Variants in HSPA12A observed in about 807,000 individuals in gnomAD.
HSPA12A encodes the protein heat shock protein family A (Hsp70) member 12A.
Under a neutral mutation model 69.2 loss-of-function variants are expected in HSPA12A, and 28 were observed. That is an observed-to-expected ratio of 0.40 (90% CI 0.30 to 0.55). HSPA12A has a LOEUF of 0.55. HSPA12A is among the 20% of genes least tolerant of loss of function. The pLI is 0.38. For synonymous variants in HSPA12A, 345 were observed against 370.5 expected, an observed-to-expected ratio of 0.93 and a Z score of 0.79; for missense variants, 686 against 900.7, an observed-to-expected ratio of 0.76 and a Z score of 3.05.
In HSPA12A at chr10:116,742,510, G is replaced by A. The variant is rs1851546761; in HGVS notation, c.-41C>T. The A allele has an allele frequency of 6.3e-6, 8 of 1,263,228 alleles. No individual in the cohort carries two copies. The highest frequency in any genetic ancestry group is 8.0e-6 in the Non-Finnish European group (8 of 1,004,184). 78.3% of individuals were successfully genotyped at this position (1,263,228 alleles called of 1,614,324 possible). ...GACCGCGAGGGGAGCCTCCAGCGCAGCGCCCGTGCCCGTGCGGGTCTCTGT... is the reference window on the plus strand; with the variant it reads ...GACCGCGAGGGGAGCCTCCAGCGCAACGCCCGTGCCCGTGCGGGTCTCTGT... On this transcript the variant is annotated 5_prime_UTR_variant, in exon 1 of 12. Coordinates refer to ENST00000369209, the MANE Select transcript of HSPA12A (RefSeq NM_025015.3).
intron 4 of HSPA12A, among the ~76,000 whole-genome samples, chr10:116,699,581 AG>A (rs1850020918): frequency 6.6e-6 from 1 of 152,166 alleles, no homozygotes; most frequent in Admixed American, 6.5e-5. Context: ...TGAGTTACTA[AG>A]CTAGCCATGT....
rs1851547234 is a variant in HSPA12A at position 116,742,518 on chromosome 10, G to A, written c.-49C>T. The A allele has an allele frequency of 1.4e-5, 17 of 1,228,426 alleles. No individual in the cohort carries two copies. The highest frequency in any genetic ancestry group is 3.6e-5 in the East Asian group (1 of 28,044). 76.1% of individuals were successfully genotyped at this position (1,228,426 alleles called of 1,614,324 possible). On this transcript the variant is annotated 5_prime_UTR_variant, in exon 1 of 12. Transcript: ENST00000369209. ...GGGGAGCCTCCAGCGCAGCGCCCGT[G>A]CCCGTGCGGGTCTCTGTCCGCGTCC...
chr10:116,818,236 T>G (rs1364629373), intron 2 of HSPA12A, among the ~76,000 whole-genome samples: 1 of 152,206 alleles, frequency 6.6e-6, no homozygotes, highest in African/African-American at 2.4e-5. Flanking sequence ...TTGGTCACAA[T>G]CAGGGACCTA....
chr10:116,715,025 A>G (rs1850564273), intron 1 of HSPA12A, among the ~76,000 whole-genome samples: 1 of 152,248 alleles, frequency 6.6e-6, no homozygotes. Context: ...TGGAAAACCC[A>G]GATGGGGGAA....
At chr10:116,746,044 C>T (rs191543077), upstream of HSPA12A, among the ~76,000 whole-genome samples, 1 of 152,212 alleles carries the variant, frequency 6.6e-6, no homozygotes, top group East Asian at 1.9e-4. Flanking sequence ...TTAGAGCCCC[C>T]AGACCCTAGG....
chr10:116,721,118 G>T (rs868909227), intron 1 of HSPA12A, among the ~76,000 whole-genome samples: 2 of 152,172 alleles, frequency 1.3e-5, no homozygotes, highest in Non-Finnish European at 2.9e-5. Context: ...ACTTACATTT[G>T]TACAAAAAGA....
intron 2 of HSPA12A, among the ~76,000 whole-genome samples, chr10:116,821,112 C>T (rs188980333): frequency 1.2e-3 from 182 of 152,324 alleles, no homozygotes; most frequent in African/African-American, 4.1e-3. Context: ...TGCCACCCCA[C>T]TTCCTACCAA....
intron 6 of HSPA12A, among the ~76,000 whole-genome samples, chr10:116,688,278 C>T (rs1329359562): frequency 6.6e-6 from 1 of 152,212 alleles, no homozygotes; most frequent in Non-Finnish European, 1.5e-5. Flanking sequence ...GTTTCCTGGC[C>T]CTCATCCCTG....
At chr10:116,722,057 C>T (rs181547635) in intron 1 of HSPA12A, among the ~76,000 whole-genome samples, 2 of 152,338 alleles carry the variant, frequency 1.3e-5, no homozygotes, top group East Asian at 1.9e-4. Context: ...GGTCTGTCTC[C>T]GGCTTTTCAT....
At chr10:116,684,641 G>C (rs1849523943) in intron 6 of HSPA12A, among the ~76,000 whole-genome samples, 2 of 152,136 alleles carry the variant, frequency 1.3e-5, no homozygotes, top group Non-Finnish European at 2.9e-5. Flanking sequence ...TCATTTTCTA[G>C]AGTGCGGTTG....
At chr10:116,759,843 A>G (rs1843931848) in intron 2 of HSPA12A, among the ~76,000 whole-genome samples, 2 of 152,180 alleles carry the variant, frequency 1.3e-5, no homozygotes, top group African/African-American at 4.8e-5. Context: ...TGTTATTCTC[A>G]TGATAATGAA....
At chr10:116,840,251 A>G (rs1845782952) in intron 1 of HSPA12A, among the ~76,000 whole-genome samples, 1 of 152,172 alleles carries the variant, frequency 6.6e-6, no homozygotes, top group African/African-American at 2.4e-5. Context: ...AATTGAAGAG[A>G]TCATGTTTTT....
At chr10:116,840,064 G>C (rs576995063) in intron 1 of HSPA12A, among the ~76,000 whole-genome samples, 1 of 152,048 alleles carries the variant, frequency 6.6e-6, no homozygotes, top group Non-Finnish European at 1.5e-5. Context: ...TTTTTATTTT[G>C]TTCTCATATA....
chr10:116,720,421 G>A (rs925142980), intron 1 of HSPA12A, among the ~76,000 whole-genome samples: 2 of 152,228 alleles, frequency 1.3e-5, no homozygotes, highest in Admixed American at 6.5e-5. Context: ...CTTTGGCAAC[G>A]TAAGAATGCA....
At chr10:116,835,160 G>T in intron 1 of HSPA12A, 1 of 395,410 alleles carries the variant, frequency 2.5e-6, no homozygotes, top group Non-Finnish European at 4.2e-6. Context: ...TTAGGTGGGC[G>T]CAGAGGAGCT....
chr10:116,850,265 C>G (rs780053761), upstream of HSPA12A: 1 of 180,636 alleles, frequency 5.5e-6, no homozygotes, highest in Non-Finnish European at 1.2e-5. Context: ...CTCCAAAATT[C>G]AGACCAAAGC....
chr10:116,712,107 A>G (rs922486348), intron 1 of HSPA12A, among the ~76,000 whole-genome samples: 1 of 152,208 alleles, frequency 6.6e-6, no homozygotes, highest in Admixed American at 6.5e-5. Context: ...TTTCTGGGGA[A>G]CAAACAAAAA....
rs558495785 is a variant in HSPA12A at position 116,846,603 on chromosome 10, T to C, written c.3+2963A>G. On this transcript the variant is annotated intron_variant, in intron 1 of 12. Transcript: ENST00000635765. ...GACCTCGTGATCCGCCCGCCTCGGC[T>C]TCCCAAAGTGTTGGGATTACAGGCG... Among the ~76,000 whole-genome samples the C allele has an allele frequency of 1.4e-3, 211 of 152,230 alleles. 1 individual carries two copies. Among genetic ancestry groups the C allele is most frequent in the African/African-American group, 4.6e-3 (192 of 41,538 alleles).
At chr10:116,748,940 C>T (rs1197635210) in intron 2 of HSPA12A, among the ~76,000 whole-genome samples, 1 of 152,134 alleles carries the variant, frequency 6.6e-6, no homozygotes, top group African/African-American at 2.4e-5. Flanking sequence ...GGACCAGTCA[C>T]TTGTCCCTGG....
Sources: gnomAD v4.1 joint callset for allele counts (sites outside exome capture counted in the v4.1 genomes callset) on GRCh38, gnomAD v4.1.1 for gene constraint, MANE v1.5 for transcripts, NCBI Gene and HGNC (gene_info 2026-07-23, HGNC 2026-07-21) for gene names.